Variants in NTRK2 observed in about 807,000 individuals in gnomAD.
NTRK2 encodes the protein neurotrophic receptor tyrosine kinase 2.
NTRK2 carries 13 observed loss-of-function variants against 94.5 expected under a neutral mutation model. That is an observed-to-expected ratio of 0.14 (90% CI 0.09 to 0.22). The LOEUF (loss-of-function observed/expected upper bound fraction) is 0.22, where lower values mean the gene tolerates loss of function less well. Ranked by LOEUF, NTRK2 falls within the 10% of genes least tolerant of loss-of-function variation. NTRK2 has a pLI of 1.00. For synonymous variants in NTRK2, 372 were observed against 407.4 expected, an observed-to-expected ratio of 0.91 and a Z score of 1.05; for missense variants, 639 against 1,071.2, an observed-to-expected ratio of 0.60 and a Z score of 5.63.
chr9:84,817,148 G>A (rs903652708), intron 12 of NTRK2, among the ~76,000 whole-genome samples: 8 of 152,152 alleles, frequency 5.3e-5, no homozygotes, highest in African/African-American at 1.7e-4. Context: ...TGGGACACTC[G>A]GTATTGCTAA....
chr9:84,988,666 T>G (rs1828666513), intron 17 of NTRK2, among the ~76,000 whole-genome samples: 1 of 152,206 alleles, frequency 6.6e-6, no homozygotes, highest in Non-Finnish European at 1.5e-5. Context: ...GCCCTTTGAA[T>G]GGGGAACCTA....
At position 84,936,553 on chromosome 9, in the gene NTRK2, A is replaced by G. The variant is rs114324063; in HGVS notation, c.1764+2261A>G. On this transcript the variant is annotated intron_variant, in intron 15 of 18. Transcript: ENST00000277120. ...ATATCCCAATCACATTCCTAGTTCCACCTCTGAACCAGACCTAGGGCCTAG... is the reference window on the plus strand; with the variant it reads ...ATATCCCAATCACATTCCTAGTTCCGCCTCTGAACCAGACCTAGGGCCTAG... Among the ~76,000 whole-genome samples, 1,431 of 152,200 alleles carry G rather than the reference A, an allele frequency of 9.4e-3. 23 individuals carry two copies. Among genetic ancestry groups the G allele is most frequent in the African/African-American group, 0.032 (1,326 of 41,516 alleles).
At chr9:84,700,552 G>A (rs1457218158) in intron 2 of NTRK2, among the ~76,000 whole-genome samples, 1 of 152,212 alleles carries the variant, frequency 6.6e-6, no homozygotes, top group Non-Finnish European at 1.5e-5. Context: ...TTGTGTGGAT[G>A]CTTTTAAAAG....
At chr9:84,833,704 A>G (rs1039979794) in intron 12 of NTRK2, among the ~76,000 whole-genome samples, 8 of 152,144 alleles carry the variant, frequency 5.3e-5, no homozygotes, top group African/African-American at 1.9e-4. Flanking sequence ...TGAGTGTCCA[A>G]TCCATTCTTA....
intron 14 of NTRK2, among the ~76,000 whole-genome samples, chr9:84,886,908 G>T (rs138639083): frequency 9.2e-5 from 14 of 152,352 alleles, no homozygotes; most frequent in African/African-American, 2.6e-4. Context: ...ATCTCTGTAT[G>T]AAAGGAGCAG....
intron 17 of NTRK2, among the ~76,000 whole-genome samples, chr9:84,967,301 C>T (rs1277107547): frequency 6.6e-6 from 1 of 152,196 alleles, no homozygotes; most frequent in Non-Finnish European, 1.5e-5. Flanking sequence ...AGCTGGGGCT[C>T]CCAGGCTGGT....
chr9:84,745,010 G>A lies in NTRK2; in HGVS notation c.1233G>A (p.Thr411=), dbSNP rs141562338. ...CAGCGAATGACATCGGGGACACCAC[G>A]AACAGAAGTAATGAAATCCCTTCCA... ...GTAANDIGDT[T]NRSNEIPSTD... is the part of the protein sequence containing the mutation. The change falls in exon 11 of 19, where the codon ACG becomes ACA. Residue 411 remains threonine (T), a synonymous_variant. Transcript: ENST00000277120. 9 of 1,613,558 alleles carry A rather than the reference G, an allele frequency of 5.6e-6. No homozygotes were observed. The highest frequency in any genetic ancestry group is 1.7e-5 in the Admixed American group (1 of 59,936).
At chr9:84,880,401 A>C (rs78857948) in intron 14 of NTRK2, among the ~76,000 whole-genome samples, 2,332 of 152,322 alleles carry the variant, frequency 0.015, 88 homozygotes, top group East Asian at 0.1. Context: ...TCCTATGGGG[A>C]ACCAGCCTTG....
intron 14 of NTRK2, chr9:84,873,504 C>A: frequency 3.8e-6 from 4 of 1,056,512 alleles, no homozygotes; most frequent in Non-Finnish European, 4.6e-6. Context: ...AGTGCCACGG[C>A]CCCCCCATTG....
At chr9:84,797,570 A>C (rs62562382) in intron 12 of NTRK2, among the ~76,000 whole-genome samples, 2,551 of 58,658 alleles carry the variant, frequency 0.043, 148 homozygotes, top group East Asian at 0.12. Context: ...ACTATATATT[A>C]TATATATTAT....
chr9:84,930,683 G>A (rs932759783), intron 14 of NTRK2, among the ~76,000 whole-genome samples: 5 of 152,194 alleles, frequency 3.3e-5, no homozygotes, highest in East Asian at 3.9e-4. Flanking sequence ...AGAGTACACC[G>A]TGGAGGGGTG....
chr9:84,741,548 C>T (rs2063651005), intron 9 of NTRK2, among the ~76,000 whole-genome samples: 1 of 152,102 alleles, frequency 6.6e-6, no homozygotes, highest in South Asian at 2.1e-4. Flanking sequence ...AATAAAAATA[C>T]CGAAACTGCA....
In NTRK2 at chr9:84,934,269, G is replaced by C. The variant is rs2132720703; in HGVS notation, c.1741G>C (p.Asp581His). ...AECYNLCPEQ[D>H]KILVAVKTLK... ...ATGCTATAACCTCTGTCCTGAGCAGGACAAGATCTTGGTGGCAGTGAAGGT... is the reference window on the plus strand; with the variant it reads ...ATGCTATAACCTCTGTCCTGAGCAGCACAAGATCTTGGTGGCAGTGAAGGT... The change falls in exon 15 of 19, where the codon GAC becomes CAC. Residue 581 changes from aspartate to histidine, a missense_variant. By Grantham distance (81) the Asp-to-His change is moderately conservative. This residue lies in a region of NTRK2 where 343 missense variants were observed against 571.5 expected (regional missense o/e 0.60). Coordinates refer to ENST00000277120, the MANE Select transcript of NTRK2 (RefSeq NM_006180.6). 1.2e-6 allele frequency: 2 copies of C among 1,614,046 alleles called. No homozygotes were observed. Among genetic ancestry groups the C allele is most frequent in the Non-Finnish European group, 1.7e-6 (2 of 1,179,928 alleles).
intron 14 of NTRK2, among the ~76,000 whole-genome samples, chr9:84,883,224 C>A (rs2076317323): frequency 6.6e-6 from 1 of 152,144 alleles, no homozygotes; most frequent in Admixed American, 6.5e-5. Flanking sequence ...CCAGGTTAGA[C>A]CCATTGTGGA....
chr9:84,697,771 A>T (rs1374887347), intron 2 of NTRK2, among the ~76,000 whole-genome samples: 1 of 152,170 alleles, frequency 6.6e-6, no homozygotes, highest in Non-Finnish European at 1.5e-5. Context: ...GCAGGGAAAG[A>T]AAGCTGTTAG....
chr9:84,720,685 C>T (rs1391049158), intron 6 of NTRK2, among the ~76,000 whole-genome samples: 8 of 151,320 alleles, frequency 5.3e-5, no homozygotes, highest in African/African-American at 9.7e-5. Context: ...GAAAAAAATG[C>T]GAAAAACAAA....
At chr9:84,793,814 A>C (rs2133242266) in intron 12 of NTRK2, among the ~76,000 whole-genome samples, 1 of 152,318 alleles carries the variant, frequency 6.6e-6, no homozygotes, top group East Asian at 1.9e-4. Context: ...GGCCAAATAT[A>C]GTTCTATAAA....
chr9:84,862,347 C>T (rs1001415952), intron 13 of NTRK2, among the ~76,000 whole-genome samples: 1 of 152,078 alleles, frequency 6.6e-6, no homozygotes, highest in Non-Finnish European at 1.5e-5. Context: ...GTAGGTGTAT[C>T]CCGTGTGTTT....
At chr9:84,962,795 A>G (rs1825110590) in intron 17 of NTRK2, among the ~76,000 whole-genome samples, 1 of 152,230 alleles carries the variant, frequency 6.6e-6, no homozygotes, top group African/African-American at 2.4e-5. Flanking sequence ...ACAAAGAGTT[A>G]GCTGGGGTAC....
Sources: gnomAD v4.1 joint callset for allele counts (sites outside exome capture counted in the v4.1 genomes callset) on GRCh38, gnomAD v4.1.1 for gene constraint, gnomAD v4.1.1 regional missense constraint, MANE v1.5 for transcripts, NCBI Gene and HGNC (gene_info 2026-07-23, HGNC 2026-07-21) for gene names.